The following HTT variants were observed in gnomAD, a reference collection of about 807,000 sequenced individuals.
HTT encodes the protein huntingtin.
In HTT, 104 loss-of-function variants were observed where a neutral mutation model predicts 362.3. The observed-to-expected ratio is 0.29, with a 90% confidence interval of 0.24 to 0.34. The LOEUF (loss-of-function observed/expected upper bound fraction) is 0.34. Ranked by LOEUF, HTT falls within the 10% of genes least tolerant of loss-of-function variation. The probability of loss-of-function intolerance (pLI) is 1.00; values close to 1 mark genes in which losing one functional copy is unlikely to be tolerated. For missense variants in HTT, 3,301 were observed against 3,928.6 expected, an observed-to-expected ratio of 0.84 and a Z score of 4.27; for synonymous variants, 1,577 against 1,548.7, an observed-to-expected ratio of 1.02 and a Z score of -0.43.
intron 3 of HTT, among the ~76,000 whole-genome samples, chr4:3,099,829 ATTGTATGGTTTGGAAGTGCTC>A (rs1714061264): frequency 8.1e-6 from 1 of 123,758 alleles, no homozygotes; most frequent in Non-Finnish European, 1.6e-5. Flanking sequence ...CAGGTGCTCT[ATTGTATGGTTTGGAAGTGCTC>A]TTGTATGGTT....
At chr4:3,158,778 G>A (rs1717294818) in intron 28 of HTT, among the ~76,000 whole-genome samples, 2 of 152,180 alleles carry the variant, frequency 1.3e-5, no homozygotes, top group South Asian at 2.1e-4. Flanking sequence ...TGGTTCTCAT[G>A]TCAGCTCCCA....
intron 28 of HTT, 78 bp downstream of exon 28, chr4:3,157,277 AT>A: frequency 7.4e-7 from 1 of 1,345,680 alleles, no homozygotes; most frequent in Non-Finnish European, 1.0e-6. Flanking sequence ...TTTTCTTATG[AT>A]TTGTAGGATG....
chr4:3,138,196 TG>T (rs1716172984), intron 21 of HTT, among the ~76,000 whole-genome samples: 1 of 150,120 alleles, frequency 6.7e-6, no homozygotes, highest in African/African-American at 2.5e-5. Flanking sequence ...CCTGCCTGCC[TG>T]CCTTCCTTCC....
chr4:3,223,762 G>T (rs1190121326), intron 55 of HTT, among the ~76,000 whole-genome samples: 6 of 152,248 alleles, frequency 3.9e-5, no homozygotes. Context: ...GACAGGAACT[G>T]ACGTGGGGTT....
At chr4:3,187,146 A>G (rs1197747833) in intron 38 of HTT, among the ~76,000 whole-genome samples, 2 of 146,900 alleles carry the variant, frequency 1.4e-5, no homozygotes, top group African/African-American at 2.5e-5. Flanking sequence ...GGCGTGAGCC[A>G]CCGCACCCGG....
intron 36 of HTT, among the ~76,000 whole-genome samples, chr4:3,181,584 G>T (rs1428527078): frequency 2.0e-5 from 3 of 152,012 alleles, no homozygotes; most frequent in Admixed American, 6.6e-5. Flanking sequence ...TTAGCTGTTT[G>T]TCTTTGAATC....
At position 3,131,289 on chromosome 4, in the gene HTT, T is replaced by C. The variant is rs1402219650; in HGVS notation, c.1990T>C (p.Cys664Arg). The C allele has an allele frequency of 1.2e-6, 2 of 1,609,278 alleles. No individual in the cohort carries two copies. The highest frequency in any genetic ancestry group is 3.3e-5 in the Admixed American group (2 of 60,006). Residue 664 changes from cysteine to arginine, a missense_variant, in exon 15 of 67, where the codon TGC becomes CGC. Around this residue, in one of 4 missense-constraint regions of HTT, gnomAD observed 2,316 missense variants for 2,658.5 expected, o/e 0.87. Transcript: ENST00000355072. ...AGTGTCATTGTCTCCTTTCTAGCCTTGCCGCATCAAAGGTGACATTGGACA... is the reference window on the plus strand; with the variant it reads ...AGTGTCATTGTCTCCTTTCTAGCCTCGCCGCATCAAAGGTGACATTGGACA... ...TEPGDQENKP[C>R]RIKGDIGQST...
chr4:3,224,991 G>A (rs1363909767), intron 56 of HTT, among the ~76,000 whole-genome samples: 2 of 152,158 alleles, frequency 1.3e-5, no homozygotes, highest in Non-Finnish European at 2.9e-5. Context: ...GAGCTCCAAG[G>A]GGAGCAAGTG....
At chr4:3,078,425 A>G (rs1712680809) in intron 1 of HTT, among the ~76,000 whole-genome samples, 1 of 152,250 alleles carries the variant, frequency 6.6e-6, no homozygotes, top group Non-Finnish European at 1.5e-5. Context: ...GGAAGGGGAT[A>G]GGGAAATGTC....
At chr4:3,141,025 G>A (rs930172834) in intron 22 of HTT, among the ~76,000 whole-genome samples, 7 of 152,188 alleles carry the variant, frequency 4.6e-5, no homozygotes, top group African/African-American at 9.7e-5. Context: ...TTTTTGGTGA[G>A]CGGGCTATTA....
chr4:3,232,114 C>T (rs1319562827), intron 60 of HTT, among the ~76,000 whole-genome samples: 2 of 152,094 alleles, frequency 1.3e-5, no homozygotes, highest in East Asian at 1.9e-4. Context: ...GACCTGGGGC[C>T]GTACGCAGTC....
chr4:3,119,247 T>A (rs531040869), intron 8 of HTT, among the ~76,000 whole-genome samples: 2 of 152,138 alleles, frequency 1.3e-5, no homozygotes, highest in African/African-American at 2.4e-5. Context: ...TATGCATATA[T>A]TATCAACAAG....
At chr4:3,103,100 G>A (rs1413572342) in intron 3 of HTT, among the ~76,000 whole-genome samples, 1 of 151,894 alleles carries the variant, frequency 6.6e-6, no homozygotes, top group Non-Finnish European at 1.5e-5. Context: ...TCGGGACCCT[G>A]CAGATGTCCA....
Position 3,178,281 on chromosome 4 carries a change from G to T in HTT, c.4464-17G>T. ...TAATTTTAAAAGAAAGGTCTAAATG[G>T]ATGTTTTTGTTTTTAGGGAATCAGA... On this transcript the variant is annotated splice_polypyrimidine_tract_variant and intron_variant, in intron 34 of 66. Coordinates refer to ENST00000355072, the MANE Select transcript of HTT (RefSeq NM_001388492.1). 6.4e-7 allele frequency: 1 copy of T among 1,571,820 alleles called. No homozygotes were observed.
intron 21 of HTT, among the ~76,000 whole-genome samples, chr4:3,139,920 G>A (rs1331034999): frequency 6.6e-6 from 1 of 152,212 alleles, no homozygotes. Flanking sequence ...GCATTTAATA[G>A]TGTAAATAGA....
intron 29 of HTT, among the ~76,000 whole-genome samples, chr4:3,167,834 C>T (rs1204163331): frequency 6.6e-6 from 1 of 152,148 alleles, no homozygotes; most frequent in Non-Finnish European, 1.5e-5. Flanking sequence ...ATAAGAATAA[C>T]TGGATAATTA....
chr4:3,229,057 C>A (rs752781685), intron 59 of HTT, 48 bp downstream of exon 59: 1 of 1,552,242 alleles, frequency 6.4e-7, no homozygotes, highest in East Asian at 2.3e-5. Context: ...GCCACACGCA[C>A]CACACACGCC....
intron 53 of HTT, among the ~76,000 whole-genome samples, chr4:3,220,892 A>C (rs1277126356): frequency 6.6e-6 from 1 of 152,226 alleles, no homozygotes; most frequent in Non-Finnish European, 1.5e-5. Flanking sequence ...TGTCATATGT[A>C]AAATGGGGGT....
chr4:3,224,267 C>A lies in HTT; in HGVS notation c.7765+136C>A, dbSNP rs959956287. 28 of 846,344 alleles carry A rather than the reference C, an allele frequency of 3.3e-5. No homozygotes were observed. The Admixed American group carries it at 5.8e-4, about 17-fold the overall frequency. 52.4% of individuals were successfully genotyped at this position (846,344 alleles called of 1,614,324 possible). A position where few individuals can be genotyped will look rare whatever the true frequency, so the allele number is the denominator to read the frequency against. On this transcript the variant is annotated intron_variant, in intron 56 of 66. Transcript: ENST00000355072. ...GGAGGCTGTGGTGCTAAATACGCTG[C>A]CCCTTTCATAAGCAGGAGTCTTAGT...
Sources: allele counts gnomAD v4.1 joint callset (sites outside exome capture counted in the v4.1 genomes callset), GRCh38; gene constraint gnomAD v4.1.1; regional missense constraint gnomAD v4.1.1; transcripts MANE v1.5; gene names NCBI Gene and HGNC (gene_info 2026-07-23, HGNC 2026-07-21).